The following PCDH11X variants were observed in gnomAD, a reference collection of about 807,000 sequenced individuals.
PCDH11X encodes protocadherin-11 X-linked.
A neutral mutation model predicts 53.3 loss-of-function variants in PCDH11X; 18 were observed. The ratio of observed to expected loss-of-function variants is 0.34; its 90% confidence interval spans 0.23 to 0.50. The LOEUF is 0.50. Among genes scored for constraint, PCDH11X ranks in the 20% least tolerant of loss-of-function variants. The probability of loss-of-function intolerance (pLI) is 0.98; values close to 1 mark genes in which losing one functional copy is unlikely to be tolerated. For missense variants in PCDH11X, 570 were observed against 1,032.4 expected, an observed-to-expected ratio of 0.55 and a Z score of 6.14; for synonymous variants, 279 against 393.3, an observed-to-expected ratio of 0.71 and a Z score of 3.44.
chrX:92,179,556 A>G (rs1354297866), intron 6 of PCDH11X, among the ~76,000 whole-genome samples: 1 of 112,182 alleles, frequency 8.9e-6, no homozygotes, highest in African/African-American at 3.2e-5. Context: ...AAAAAGGAAA[A>G]TAGTGAAATG....
intron 10 of PCDH11X, among the ~76,000 whole-genome samples, chrX:92,554,861 G>A (rs1441074900): frequency 9.0e-6 from 1 of 110,817 alleles, no homozygotes; most frequent in Non-Finnish European, 1.9e-5. Context: ...CTTTATATAA[G>A]CTAGCTCTTC....
chrX:92,132,404 T>A (rs1157530381), intron 6 of PCDH11X, among the ~76,000 whole-genome samples: 2 of 87,479 alleles, frequency 2.3e-5, no homozygotes, highest in Admixed American at 2.9e-4. Context: ...GGTCAAGAGA[T>A]CAAGACCATT....
chrX:92,285,415 G>A (rs776149624), intron 8 of PCDH11X, among the ~76,000 whole-genome samples: 11 of 109,222 alleles, frequency 1.0e-4, no homozygotes, highest in East Asian at 2.9e-4. Flanking sequence ...CACCATGCCC[G>A]GCAAATCTTG....
intron 10 of PCDH11X, among the ~76,000 whole-genome samples, chrX:92,474,372 G>A (rs1348399332): frequency 9.1e-6 from 1 of 109,391 alleles, no homozygotes; most frequent in African/African-American, 3.3e-5. Context: ...GTAGGCAATA[G>A]ATTATATAGT....
At chrX:92,002,910 G>A (rs2062534320) in intron 6 of PCDH11X, among the ~76,000 whole-genome samples, 1 of 102,389 alleles carries the variant, frequency 9.8e-6, no homozygotes, top group African/African-American at 3.5e-5. Flanking sequence ...GCTCCAGCTG[G>A]AACTTCCAGT....
chrX:92,187,085 A>G (rs896935967), intron 6 of PCDH11X, among the ~76,000 whole-genome samples: 9 of 112,087 alleles, frequency 8.0e-5, no homozygotes, highest in Non-Finnish European at 3.8e-5. Flanking sequence ...CATATGCAGC[A>G]AACCTAGTGG....
intron 8 of PCDH11X, among the ~76,000 whole-genome samples, chrX:92,300,430 CT>C (rs970403293): frequency 9.0e-6 from 1 of 110,998 alleles, no homozygotes; most frequent in African/African-American, 3.3e-5. Flanking sequence ...CAATCCTTTC[CT>C]TCAAGAAGTT....
At chrX:91,884,814 C>G (rs1208990898) in intron 6 of PCDH11X, among the ~76,000 whole-genome samples, 3 of 108,900 alleles carry the variant, frequency 2.8e-5, no homozygotes, top group Non-Finnish European at 3.8e-5. Flanking sequence ...AATTTTAATT[C>G]AAATGTTAAT....
chrX:92,109,997 A>G (rs1159707572), intron 6 of PCDH11X, among the ~76,000 whole-genome samples: 1 of 112,485 alleles, frequency 8.9e-6, no homozygotes, highest in East Asian at 2.8e-4. Context: ...TAATTTAGCT[A>G]TTGACCGATG....
rs189186242 is a variant in PCDH11X at position 92,212,947 on chromosome X, G to A, written c.3114+11492G>A. Among the ~76,000 whole-genome samples the A allele has an allele frequency of 9.5e-3, 1,061 of 112,240 alleles. 27 individuals carry two copies. Among genetic ancestry groups the A allele is most frequent in the Admixed American group, 0.091 (962 of 10,567 alleles). ...TTTAAGTTGTATGGAAAATGTGTATGTTCTTTAGAAACATAAGCTAACTAT... is the reference window on the plus strand; with the variant it reads ...TTTAAGTTGTATGGAAAATGTGTATATTCTTTAGAAACATAAGCTAACTAT... On this transcript the variant is annotated intron_variant, in intron 7 of 10. Coordinates refer to ENST00000682573, the MANE Select transcript of PCDH11X (RefSeq NM_032968.5).
Position 92,201,276 on chromosome X carries a change from C to A in PCDH11X, c.3034-99C>A, listed in dbSNP as rs188582084. 1,087 of 1,063,101 alleles carry A rather than the reference C, an allele frequency of 1.0e-3. 10 individuals carry two copies. In the East Asian group the frequency reaches 0.034, roughly 33 times the overall value. The allele number at this position is 1,063,101 out of a possible 1,213,427, so 87.6% of individuals were successfully genotyped here. The stretch of plus-strand genomic sequence containing the variant: ...TAAAAAGAGATAATCTACCCAGGCA[C>A]TATTTTAGCTACCTATAGGCAATGT... On this transcript the variant is annotated intron_variant, in intron 6 of 10. Transcript: ENST00000682573.
chrX:92,382,534 C>T (rs1224889566), intron 8 of PCDH11X, among the ~76,000 whole-genome samples: 1 of 110,792 alleles, frequency 9.0e-6, no homozygotes, highest in Non-Finnish European at 1.9e-5. Flanking sequence ...TGAAATGATG[C>T]CTTCATGAGG....
At chrX:91,948,691 G>A (rs1380068624) in intron 6 of PCDH11X, among the ~76,000 whole-genome samples, 2 of 109,203 alleles carry the variant, frequency 1.8e-5, no homozygotes, top group Non-Finnish European at 3.8e-5. Context: ...CACTGCAATG[G>A]GAACTTTCGG....
At chrX:92,404,599 T>A (rs181678897) in intron 9 of PCDH11X, among the ~76,000 whole-genome samples, 1 of 109,054 alleles carries the variant, frequency 9.2e-6, no homozygotes, top group African/African-American at 3.3e-5. Flanking sequence ...AATATCCTAC[T>A]GTTTGTTATT....
At chrX:92,577,372 C>A (rs1923107638) in intron 10 of PCDH11X, among the ~76,000 whole-genome samples, 1 of 109,319 alleles carries the variant, frequency 9.1e-6, no homozygotes, top group African/African-American at 3.3e-5. Flanking sequence ...GTTTGTATTT[C>A]TGTGGAGTCA....
chrX:92,584,789 CTTTTTTTTT>C (rs1171667582), intron 10 of PCDH11X, among the ~76,000 whole-genome samples: 1 of 65,113 alleles, frequency 1.5e-5, no homozygotes, highest in Non-Finnish European at 2.6e-5. Flanking sequence ...TCTTTTTTTC[CTTTTTTTTT>C]TTTTTTTTTT....
intron 6 of PCDH11X, among the ~76,000 whole-genome samples, chrX:91,891,136 TA>T (rs1007731700): frequency 4.5e-5 from 5 of 110,090 alleles, no homozygotes; most frequent in African/African-American, 1.7e-4. Flanking sequence ...GCTGTAATTT[TA>T]AAAAAAGAAT....
intron 6 of PCDH11X, among the ~76,000 whole-genome samples, chrX:92,162,562 T>C (rs1369737399): frequency 2.7e-5 from 3 of 110,388 alleles, no homozygotes; most frequent in African/African-American, 9.9e-5. Context: ...TTCCTAAGGA[T>C]GTGGCTTCCT....
At chrX:92,316,589 C>T in intron 8 of PCDH11X, among the ~76,000 whole-genome samples, 1 of 110,808 alleles carries the variant, frequency 9.0e-6, no homozygotes, top group Middle Eastern at 4.6e-3. Context: ...TTTTTAGTGT[C>T]ATTTTGAAAG....
Sources: gnomAD v4.1 joint callset for allele counts (sites outside exome capture counted in the v4.1 genomes callset) on GRCh38, gnomAD v4.1.1 for gene constraint, MANE v1.5 for transcripts, NCBI Gene and HGNC (gene_info 2026-07-23, HGNC 2026-07-21) for gene names.